Variants in CTNND2 observed in about 807,000 individuals in gnomAD.
CTNND2 encodes catenin delta 2.
In CTNND2, 22 loss-of-function variants were observed where a neutral mutation model predicts 144.4. The ratio of observed to expected loss-of-function variants is 0.15; its 90% CI spans 0.11 to 0.22. The LOEUF is 0.22. Ranked by LOEUF, CTNND2 falls within the 10% of genes least tolerant of loss-of-function variation. The pLI, the probability that CTNND2 is intolerant of heterozygous loss-of-function variation, is 1.00. For missense variants in CTNND2, 1,353 were observed against 1,618.8 expected, an observed-to-expected ratio of 0.84 and a Z score of 2.82; for synonymous variants, 751 against 695.6, an observed-to-expected ratio of 1.08 and a Z score of -1.25.
chr5:11,534,902 T>C (rs1038471071), intron 3 of CTNND2, among the ~76,000 whole-genome samples: 6 of 152,010 alleles, frequency 3.9e-5, no homozygotes, highest in Non-Finnish European at 7.4e-5. Context: ...CAAAAAAAGA[T>C]TTCTTGGCCG....
intron 9 of CTNND2, among the ~76,000 whole-genome samples, chr5:11,320,856 T>C (rs1751962400): frequency 6.6e-6 from 1 of 152,186 alleles, no homozygotes; most frequent in South Asian, 2.1e-4. Flanking sequence ...AGCAAATTTC[T>C]AAAATAGGCC....
intron 3 of CTNND2, among the ~76,000 whole-genome samples, chr5:11,527,652 G>C (rs1210352736): frequency 6.6e-6 from 1 of 152,192 alleles, no homozygotes; most frequent in Non-Finnish European, 1.5e-5. Context: ...TCTAGTGATA[G>C]TTTCTCACCA....
At chr5:11,073,756 C>G (rs895047374) in intron 16 of CTNND2, among the ~76,000 whole-genome samples, 2 of 152,180 alleles carry the variant, frequency 1.3e-5, no homozygotes, top group African/African-American at 4.8e-5. Flanking sequence ...GGCACCTAAT[C>G]TGAAGATACA....
intron 1 of CTNND2, among the ~76,000 whole-genome samples, chr5:11,896,786 C>A (rs550356872): frequency 2.0e-4 from 30 of 152,130 alleles, no homozygotes; most frequent in Non-Finnish European, 4.3e-4. Context: ...TAGTTATTTG[C>A]CTTGATTATC....
chr5:11,833,364 C>A (rs531088266), intron 1 of CTNND2, among the ~76,000 whole-genome samples: 1 of 151,824 alleles, frequency 6.6e-6, no homozygotes, highest in Non-Finnish European at 1.5e-5. Context: ...GTGAAAAAAG[C>A]CAGACACAAA....
intron 1 of CTNND2, among the ~76,000 whole-genome samples, chr5:11,765,101 T>C (rs536371904): frequency 1.3e-3 from 202 of 149,994 alleles, no homozygotes; most frequent in Non-Finnish European, 2.2e-3. Context: ...TTTGATGCAT[T>C]GAGCATAGAG....
chr5:11,904,008 G>A lies in CTNND2; in HGVS notation c.-155C>T. ...GACAAGGGATGCTGGCGGGCGGCAG[G>A]GGCGAGCGCCGCGGGCGAGAGGCGG... is the stretch of plus-strand genomic sequence containing the variant. On this transcript the variant is annotated 5_prime_UTR_variant, in exon 1 of 22. Transcript: ENST00000304623. The surrounding 1 kb of genome is among the most constrained non-coding windows in gnomAD (Gnocchi z 4.2). 1.2e-6 allele frequency: 1 copy of A among 846,218 alleles called. No individual in the cohort carries two copies. Among genetic ancestry groups the A allele is most frequent in the South Asian group, 5.3e-5 (1 of 18,810 alleles). 52.4% of individuals were successfully genotyped at this position (846,218 alleles called of 1,614,324 possible).
intron 7 of CTNND2, among the ~76,000 whole-genome samples, chr5:11,382,039 G>A (rs1581067869): frequency 6.6e-6 from 1 of 152,104 alleles, no homozygotes; most frequent in Non-Finnish European, 1.5e-5. Flanking sequence ...CAGTACCTGG[G>A]TGACAGGATC....
At chr5:11,616,446 A>G (rs1780584215) in intron 2 of CTNND2, among the ~76,000 whole-genome samples, 1 of 152,114 alleles carries the variant, frequency 6.6e-6, no homozygotes, top group South Asian at 2.1e-4. Flanking sequence ...TTAACTACAC[A>G]TCCTTCTTAA....
chr5:11,780,007 C>A (rs543303425), intron 1 of CTNND2, among the ~76,000 whole-genome samples: 18 of 152,308 alleles, frequency 1.2e-4, no homozygotes, highest in African/African-American at 3.8e-4. Flanking sequence ...AAAAGCAGGG[C>A]CTCCATTTAA....
At chr5:11,121,541 GATT>G (rs1754140071) in intron 12 of CTNND2, among the ~76,000 whole-genome samples, 1 of 152,104 alleles carries the variant, frequency 6.6e-6, no homozygotes, top group Non-Finnish European at 1.5e-5. Flanking sequence ...GCTAAAAGTG[GATT>G]CTATAATCTT....
intron 3 of CTNND2, among the ~76,000 whole-genome samples, chr5:11,537,041 G>A (rs189567749): frequency 5.1e-4 from 76 of 147,952 alleles, no homozygotes; most frequent in Middle Eastern, 3.4e-3. Flanking sequence ...ATCAGAAATT[G>A]GAGGCAGCAG....
Position 11,893,746 on chromosome 5 carries a change from A to G in CTNND2, c.37+10071T>C, listed in dbSNP as rs1035548052. Among the ~76,000 whole-genome samples the G allele has an allele frequency of 5.9e-5, 9 of 152,178 alleles. No individual in the cohort carries two copies. In the South Asian group the frequency reaches 6.2e-4, roughly 10 times the overall value. ...GTCCTAGGTCCACAGGCTAAGTACAAGCTAAGTACACCCCATGGATCCCCT... is the reference window on the plus strand; with the variant it reads ...GTCCTAGGTCCACAGGCTAAGTACAGGCTAAGTACACCCCATGGATCCCCT... On this transcript the variant is annotated intron_variant, in intron 1 of 21. Coordinates refer to ENST00000304623, the MANE Select transcript of CTNND2 (RefSeq NM_001332.4).
At chr5:11,644,988 G>C (rs781710437) in intron 2 of CTNND2, among the ~76,000 whole-genome samples, 1 of 151,876 alleles carries the variant, frequency 6.6e-6, no homozygotes, top group African/African-American at 2.4e-5. Flanking sequence ...TAAGAGACGG[G>C]GTCTCACTCT....
intron 6 of CTNND2, among the ~76,000 whole-genome samples, chr5:11,390,254 G>C (rs1211499199): frequency 1.3e-5 from 2 of 152,148 alleles, no homozygotes; most frequent in East Asian, 1.9e-4. Flanking sequence ...GGGGGAGTAG[G>C]AGCCCCTAAG....
chr5:10,989,433 G>A (rs1010685767), intron 19 of CTNND2, among the ~76,000 whole-genome samples: 1 of 152,158 alleles, frequency 6.6e-6, no homozygotes, highest in Non-Finnish European at 1.5e-5. Context: ...TTTCAGTGAC[G>A]GGCTTCAGAA....
intron 1 of CTNND2, among the ~76,000 whole-genome samples, chr5:11,892,865 T>C (rs977321312): frequency 2.0e-5 from 3 of 152,242 alleles, no homozygotes; most frequent in African/African-American, 7.2e-5. Flanking sequence ...AAAAATCTGT[T>C]ACATTGCTTT....
intron 3 of CTNND2, among the ~76,000 whole-genome samples, chr5:11,416,442 A>G (rs907261900): frequency 1.3e-5 from 2 of 152,208 alleles, no homozygotes; most frequent in Non-Finnish European, 2.9e-5. Flanking sequence ...CATTAAAAGT[A>G]TGACTGATCA....
intron 10 of CTNND2, among the ~76,000 whole-genome samples, chr5:11,229,204 T>C (rs905608728): frequency 5.9e-5 from 9 of 152,182 alleles, no homozygotes; most frequent in Non-Finnish European, 1.2e-4. Flanking sequence ...ATAATAAAGT[T>C]TGAATTTTTG....
Sources: gnomAD v4.1 joint callset for allele counts (sites outside exome capture counted in the v4.1 genomes callset) on GRCh38, gnomAD v4.1.1 for gene constraint, Gnocchi (gnomAD v3.1) non-coding constraint, MANE v1.5 for transcripts, NCBI Gene and HGNC (gene_info 2026-07-23, HGNC 2026-07-21) for gene names.